PHACTR1: variants seen among roughly 807,000 people sequenced by gnomAD.
PHACTR1 encodes RPEL repeat containing 1.
In PHACTR1, 16 loss-of-function variants were observed where a neutral mutation model predicts 69.2. The ratio of observed to expected loss-of-function variants is 0.23; its 90% CI spans 0.16 to 0.35. PHACTR1 has a LOEUF of 0.35. PHACTR1 is among the 10% of genes least tolerant of loss of function. The pLI, the probability that PHACTR1 is intolerant of heterozygous loss-of-function variation, is 1.00. For synonymous variants in PHACTR1, 312 were observed against 284.5 expected (o/e 1.10, Z -0.97); for missense variants, 510 against 734.7 (o/e 0.69, Z 3.54).
rs184575699 is a variant in PHACTR1, at chr6:12,896,186, A to C, written c.250+146396A>C. ...TGTACGTCAGGCATAGCCCTTGTGTACGTAAAGACATAAACTACACATTGC... is the reference window on the plus strand; with the variant it reads ...TGTACGTCAGGCATAGCCCTTGTGTCCGTAAAGACATAAACTACACATTGC... On this transcript the variant is annotated intron_variant, in intron 4 of 14. Coordinates refer to ENST00000332995, the MANE Select transcript of PHACTR1 (RefSeq NM_030948.6). 6.1e-4 allele frequency among the ~76,000 whole-genome samples: 93 copies of C among 152,362 alleles called. 2 individuals carry two copies. Among genetic ancestry groups the C allele is most frequent in the Admixed American group, 5.9e-3 (91 of 15,302 alleles).
At chr6:13,250,701 A>G (rs1163718992) in intron 10 of PHACTR1, among the ~76,000 whole-genome samples, 2 of 152,222 alleles carry the variant, frequency 1.3e-5, no homozygotes, top group Non-Finnish European at 2.9e-5. Flanking sequence ...TTGCAGCTGA[A>G]GCTAGATTCC....
chr6:13,105,861 C>T (rs560106916), intron 5 of PHACTR1, among the ~76,000 whole-genome samples: 48 of 152,260 alleles, frequency 3.2e-4, no homozygotes, highest in African/African-American at 1.1e-3. Context: ...GCAGCAGTTA[C>T]AAGTGGATTT....
chr6:13,020,680 C>T (rs545144978), intron 4 of PHACTR1, among the ~76,000 whole-genome samples: 26 of 152,182 alleles, frequency 1.7e-4, no homozygotes, highest in Non-Finnish European at 3.1e-4. Context: ...GAATGCTGCT[C>T]TTCCAGCGAG....
intron 7 of PHACTR1, among the ~76,000 whole-genome samples, chr6:13,183,170 T>G (rs1258626645): frequency 6.6e-6 from 1 of 152,192 alleles, no homozygotes; most frequent in Non-Finnish European, 1.5e-5. Context: ...CTGATTGAAT[T>G]GTATCCTGCT....
chr6:13,196,741 G>T (rs1265701497), intron 7 of PHACTR1, among the ~76,000 whole-genome samples: 1 of 152,142 alleles, frequency 6.6e-6, no homozygotes, highest in South Asian at 2.1e-4. Flanking sequence ...TTTCAATACC[G>T]ATGTAGTGCG....
chr6:12,925,962 T>A (rs938325799), intron 4 of PHACTR1, among the ~76,000 whole-genome samples: 2 of 152,230 alleles, frequency 1.3e-5, no homozygotes, highest in Non-Finnish European at 2.9e-5. Flanking sequence ...CACCTATCTC[T>A]TTTCCTTTCT....
chr6:13,262,114 G>T (rs865901948), intron 10 of PHACTR1, among the ~76,000 whole-genome samples: 2 of 152,172 alleles, frequency 1.3e-5, no homozygotes, highest in Non-Finnish European at 1.5e-5. Flanking sequence ...AGTGGGATAG[G>T]CTGGCAGCAA....
chr6:12,859,824 C>T (rs1041992779), intron 4 of PHACTR1, among the ~76,000 whole-genome samples: 4 of 152,058 alleles, frequency 2.6e-5, no homozygotes, highest in African/African-American at 7.2e-5. Context: ...TACATGAGGA[C>T]AATAGATGTT....
intron 4 of PHACTR1, among the ~76,000 whole-genome samples, chr6:12,864,400 G>A (rs1217748541): frequency 6.6e-6 from 1 of 152,198 alleles, no homozygotes; most frequent in Non-Finnish European, 1.5e-5. Flanking sequence ...GGAAAATCAG[G>A]TCGGGCGCCC....
At chr6:12,793,451 A>C (rs1382883191) in intron 4 of PHACTR1, among the ~76,000 whole-genome samples, 1 of 152,244 alleles carries the variant, frequency 6.6e-6, no homozygotes, top group Non-Finnish European at 1.5e-5. Flanking sequence ...TTGTATATCA[A>C]GTGAACAAAA....
chr6:12,792,934 C>T (rs1268861909), intron 4 of PHACTR1, among the ~76,000 whole-genome samples: 2 of 151,376 alleles, frequency 1.3e-5, no homozygotes, highest in South Asian at 2.1e-4. Flanking sequence ...CAGCAAGCTC[C>T]CTCCTAGTCA....
intron 4 of PHACTR1, among the ~76,000 whole-genome samples, chr6:12,885,162 G>C (rs1386757339): frequency 6.6e-6 from 1 of 152,196 alleles, no homozygotes; most frequent in African/African-American, 2.4e-5. Flanking sequence ...CATCCCTGCG[G>C]AATGCAGGGA....
At chr6:12,894,707 C>T (rs1194390673) in intron 4 of PHACTR1, among the ~76,000 whole-genome samples, 2 of 152,162 alleles carry the variant, frequency 1.3e-5, no homozygotes, top group Non-Finnish European at 2.9e-5. Context: ...TGTTAAGTCA[C>T]TTAACATGTT....
chr6:12,959,176 C>CAAAAAAAAAAAAAAAAAAAAA (rs70989814), intron 4 of PHACTR1, among the ~76,000 whole-genome samples: 66 of 46,088 alleles, frequency 1.4e-3, no homozygotes, highest in Non-Finnish European at 1.9e-3. Context: ...GACTTTATCT[C>CAAAAAAAAAAAAAAAAAAAAA]AAAAAAAAAA....
chr6:13,208,633 C>CCG (rs1766301558), intron 8 of PHACTR1, among the ~76,000 whole-genome samples: 1 of 150,406 alleles, frequency 6.6e-6, no homozygotes, highest in Non-Finnish European at 1.5e-5. Context: ...TGCTGCCCAC[C>CCG]CCCCCAACCC....
chr6:13,013,841 G>T (rs866429143), intron 4 of PHACTR1, among the ~76,000 whole-genome samples: 4 of 148,940 alleles, frequency 2.7e-5, no homozygotes, highest in Non-Finnish European at 4.5e-5. Context: ...GAGTGGCAGC[G>T]CGCGGGGGCC....
intron 4 of PHACTR1, among the ~76,000 whole-genome samples, chr6:12,984,138 G>T (rs943175065): frequency 9.2e-5 from 14 of 152,312 alleles, no homozygotes; most frequent in African/African-American, 3.1e-4. Flanking sequence ...TTTCACAATG[G>T]TTGGACTAGT....
chr6:13,032,855 C>T (rs1467726622), intron 4 of PHACTR1, among the ~76,000 whole-genome samples: 1 of 152,142 alleles, frequency 6.6e-6, no homozygotes, highest in African/African-American at 2.4e-5. Flanking sequence ...CTCACCATGG[C>T]CTCCCAAAGT....
chr6:12,965,451 CTT>C (rs55640152), intron 4 of PHACTR1, among the ~76,000 whole-genome samples: 4 of 131,958 alleles, frequency 3.0e-5, no homozygotes, highest in Non-Finnish European at 4.7e-5. Flanking sequence ...TATTTTGTGC[CTT>C]TTTTTTTTTT....
Sources: gnomAD v4.1 joint callset for allele counts (sites outside exome capture counted in the v4.1 genomes callset) on GRCh38, gnomAD v4.1.1 for gene constraint, MANE v1.5 for transcripts, NCBI Gene and HGNC (gene_info 2026-07-23, HGNC 2026-07-21) for gene names.